Variants in NAT10 observed in about 807,000 individuals in gnomAD.
NAT10 encodes the protein RNA cytidine acetyltransferase.
A neutral mutation model predicts 132.2 loss-of-function variants in NAT10; 109 were observed. The observed-to-expected ratio is 0.82, with a 90% CI of 0.71 to 0.97. The LOEUF is 0.97. NAT10 is among the 50% of genes least tolerant of loss of function. The pLI, the probability that NAT10 is intolerant of heterozygous loss-of-function variation, is 0.00. For synonymous variants in NAT10, 479 were observed against 478.0 expected (o/e 1.00, Z -0.03); for missense variants, 1,184 against 1,263.4 (o/e 0.94, Z 0.95).
At chr11:34,130,385 G>C (rs995124883) in intron 12 of NAT10, among the ~76,000 whole-genome samples, 2 of 152,198 alleles carry the variant, frequency 1.3e-5, no homozygotes, top group Non-Finnish European at 2.9e-5. Flanking sequence ...TCTAAAAGCA[G>C]CTCCGTTAGT....
chr11:34,109,474 A>T (rs79083179), intron 3 of NAT10, among the ~76,000 whole-genome samples: 2,987 of 152,204 alleles, frequency 0.02, 110 homozygotes, highest in African/African-American at 0.069. Flanking sequence ...CTGCTTCTAT[A>T]ATTGTGATCA....
In NAT10 at chr11:34,146,610, C is replaced by T. The variant is rs2473933; in HGVS notation, c.*418C>T. On this transcript the variant is annotated 3_prime_UTR_variant, in exon 29 of 29. Coordinates refer to ENST00000257829, the MANE Select transcript of NAT10 (RefSeq NM_024662.3). The stretch of plus-strand genomic sequence containing the variant: ...GGAGGCTGCTGCTGGGCCGCTGGGT[C>T]TCTCTTTGTGGACTTGTACCTGGAG... 0.014 allele frequency: 2,189 copies of T among 157,060 alleles called. 36 individuals carry two copies. The highest frequency in any genetic ancestry group is 0.05 in the African/African-American group (2,066 of 41,606). 9.7% of individuals were successfully genotyped at this position (157,060 alleles called of 1,614,324 possible).
At chr11:34,134,239 C>G in intron 16 of NAT10, 80 bp from the exon 17 acceptor site, 1 of 1,242,674 alleles carries the variant, frequency 8.0e-7, no homozygotes, top group Non-Finnish European at 1.2e-6. Flanking sequence ...TGGCCTAGTT[C>G]GAGAAACAAG....
intron 10 of NAT10, 31 bp downstream of exon 10, chr11:34,123,886 TG>T: frequency 6.5e-7 from 1 of 1,541,832 alleles, no homozygotes; most frequent in Non-Finnish European, 9.0e-7. Flanking sequence ...ATTTTTATTT[TG>T]GACCTGGTGT....
At chr11:34,133,763 A>G (rs1268321944) in intron 16 of NAT10, among the ~76,000 whole-genome samples, 1 of 152,114 alleles carries the variant, frequency 6.6e-6, no homozygotes, top group Non-Finnish European at 1.5e-5. Context: ...GCATACATAG[A>G]GACTCTCTTC....
intron 4 of NAT10, 146 bp downstream of exon 4, chr11:34,112,369 C>A: frequency 2.1e-6 from 2 of 965,252 alleles, no homozygotes; most frequent in Non-Finnish European, 3.0e-6. Flanking sequence ...GAAGTCCTGG[C>A]CACTTTCCAA....
At chr11:34,112,844 T>G (rs1851718960) in intron 4 of NAT10, among the ~76,000 whole-genome samples, 1 of 152,210 alleles carries the variant, frequency 6.6e-6, no homozygotes, top group African/African-American at 2.4e-5. Context: ...TATTCTTTGT[T>G]TCTTTGATTC....
At chr11:34,124,084 G>A (rs999518488) in intron 10 of NAT10, among the ~76,000 whole-genome samples, 2 of 152,118 alleles carry the variant, frequency 1.3e-5, no homozygotes, top group East Asian at 3.9e-4. Flanking sequence ...CAGGAGAATC[G>A]CTTGAACCCG....
intron 14 of NAT10, among the ~76,000 whole-genome samples, chr11:34,131,849 C>G (rs1256423802): frequency 6.6e-6 from 1 of 151,950 alleles, no homozygotes; most frequent in Non-Finnish European, 1.5e-5. Flanking sequence ...CCACGTCTGG[C>G]TAATTTTTGT....
rs563227064 is a variant in NAT10, at chr11:34,128,550, C to T, written c.1244+951C>T. On this transcript the variant is annotated intron_variant, in intron 12 of 28. Coordinates refer to ENST00000257829, the MANE Select transcript of NAT10 (RefSeq NM_024662.3). ...TTTGAGGTCAGTAAATATGTATCTC[C>T]AATATTGGGAAGATTTCTGTATAGA... Among the ~76,000 whole-genome samples, 6 of 152,058 alleles carry T rather than the reference C, an allele frequency of 3.9e-5. No individual in the cohort carries two copies. In the East Asian group the frequency reaches 9.7e-4, roughly 24 times the overall value.
chr11:34,133,893 C>CT (rs923874333), intron 16 of NAT10, among the ~76,000 whole-genome samples: 59 of 152,078 alleles, frequency 3.9e-4, no homozygotes, highest in African/African-American at 1.4e-3. Context: ...TGGCTCACGC[C>CT]TGTAATCCCA....
intron 8 of NAT10, among the ~76,000 whole-genome samples, chr11:34,120,140 TTGG>T (rs1851864513): frequency 1.6e-5 from 2 of 122,378 alleles, no homozygotes; most frequent in Non-Finnish European, 1.6e-5. Flanking sequence ...GTTGTTGCTG[TTGG>T]TTTTTTTTTT....
intron 27 of NAT10, 59 bp downstream of exon 27, chr11:34,142,407 T>C: frequency 6.8e-7 from 1 of 1,460,930 alleles, no homozygotes; most frequent in Non-Finnish European, 9.6e-7. Context: ...AGAATCTGCC[T>C]ACACGTTTCT....
intron 27 of NAT10, among the ~76,000 whole-genome samples, chr11:34,142,725 A>G (rs1852360601): frequency 6.6e-6 from 1 of 152,206 alleles, no homozygotes; most frequent in Non-Finnish European, 1.5e-5. Flanking sequence ...AAAACCAACC[A>G]AACAAGCAAA....
chr11:34,139,309 G>A lies in NAT10; in HGVS notation c.2308+22G>A, dbSNP rs150526502. 8,863 of 1,613,524 alleles carry A rather than the reference G, an allele frequency of 5.5e-3. 184 individuals are homozygous for A. In the Admixed American group the frequency reaches 0.063, roughly 12 times the overall value. ...AAAGGTGACTGAGGAGTAGGGGTTT[G>A]GGGGAGACAATGAGGTGATTGGGGG... On this transcript the variant is annotated intron_variant, in intron 22 of 28. Coordinates refer to ENST00000257829, the MANE Select transcript of NAT10 (RefSeq NM_024662.3).
intron 11 of NAT10, 67 bp downstream of exon 11, chr11:34,124,467 T>A: frequency 1.7e-6 from 2 of 1,175,848 alleles, no homozygotes; most frequent in Non-Finnish European, 2.5e-6. Context: ...GGCTCTAAGA[T>A]GTTTCCTGTT....
At chr11:34,128,905 G>A (rs192254545) in intron 12 of NAT10, among the ~76,000 whole-genome samples, 124 of 152,144 alleles carry the variant, frequency 8.2e-4, no homozygotes, top group African/African-American at 2.5e-3. Context: ...TGCCTATTTT[G>A]GACATTTCAT....
chr11:34,127,740 C>A, intron 12 of NAT10, 141 bp downstream of exon 12: 1 of 1,046,700 alleles, frequency 9.6e-7, no homozygotes, highest in Non-Finnish European at 1.4e-6. Flanking sequence ...TCATTCTCTA[C>A]TGGGCTTCTG....
chr11:34,121,814 C>G lies in NAT10; in HGVS notation c.781-645C>G, dbSNP rs182218831. 2.1e-4 allele frequency among the ~76,000 whole-genome samples: 26 copies of G among 126,396 alleles called. No homozygotes were observed. The East Asian group carries it at 6.5e-3, about 32-fold the overall frequency. The allele number at this position is 126,396 out of a possible 152,430, so 82.9% of individuals were successfully genotyped here. On this transcript the variant is annotated intron_variant, in intron 8 of 28. Transcript: ENST00000257829. Reference sequence around the variant, plus strand: ...GGTGGAGGTTGAAGTGAGCTGAGATCATGCCACTGCACTCCAGCCTGGTGA... The same window carrying G: ...GGTGGAGGTTGAAGTGAGCTGAGATGATGCCACTGCACTCCAGCCTGGTGA...
Sources: allele counts gnomAD v4.1 joint callset (sites outside exome capture counted in the v4.1 genomes callset), GRCh38; gene constraint gnomAD v4.1.1; transcripts MANE v1.5; gene names NCBI Gene and HGNC (gene_info 2026-07-23, HGNC 2026-07-21).